Variants in FAT1 observed in about 807,000 individuals in gnomAD.
FAT1 encodes protocadherin Fat 1.
FAT1 carries 171 observed loss-of-function variants against 329.8 expected under a neutral mutation model. The ratio of observed to expected loss-of-function variants is 0.52; its 90% confidence interval spans 0.46 to 0.59. The LOEUF (loss-of-function observed/expected upper bound fraction) is 0.59. FAT1 is among the 20% of genes least tolerant of loss of function. The probability of loss-of-function intolerance (pLI) is 0.00; values close to 1 mark genes in which losing one functional copy is unlikely to be tolerated. For missense variants in FAT1, 5,672 were observed against 5,774.4 expected, an observed-to-expected ratio of 0.98 and a Z score of 0.57; for synonymous variants, 2,233 against 2,228.6, an observed-to-expected ratio of 1.00 and a Z score of -0.06.
intron 3 of FAT1, among the ~76,000 whole-genome samples, chr4:186,641,823 A>G (rs1741108937): frequency 6.6e-6 from 1 of 152,062 alleles, no homozygotes; most frequent in Non-Finnish European, 1.5e-5. Context: ...CCTGGCCAAC[A>G]TGGCGAAACC....
chr4:186,608,596 G>A (rs779523482), intron 16 of FAT1, among the ~76,000 whole-genome samples: 2 of 152,124 alleles, frequency 1.3e-5, no homozygotes, highest in Non-Finnish European at 2.9e-5. Flanking sequence ...CTTCACGAAT[G>A]CAGAATCTGC....
chr4:186,654,426 G>C (rs1021882790), intron 3 of FAT1, among the ~76,000 whole-genome samples: 2 of 152,140 alleles, frequency 1.3e-5, no homozygotes, highest in African/African-American at 4.8e-5. Context: ...GAGACAGAAA[G>C]GGGCAAAACA....
At position 186,675,398 on chromosome 4, in the gene FAT1, C is replaced by T. The variant is rs193290715; in HGVS notation, c.3266-11785G>A. On this transcript the variant is annotated intron_variant, in intron 2 of 26. Transcript: ENST00000441802. ...AGGAGAATCGCTTGAACCCAGGAGGCGGAGGTTGCAGTGAGTTGAGATTGC... is the reference window on the plus strand; with the variant it reads ...AGGAGAATCGCTTGAACCCAGGAGGTGGAGGTTGCAGTGAGTTGAGATTGC... 4.1e-3 allele frequency among the ~76,000 whole-genome samples: 617 copies of T among 151,916 alleles called. 3 individuals are homozygous for T. Among genetic ancestry groups the T allele is most frequent in the African/African-American group, 0.014 (572 of 41,420 alleles).
At chr4:186,590,280 C>A in intron 26 of FAT1, 3 of 766,942 alleles carry the variant, frequency 3.9e-6, no homozygotes, top group Non-Finnish European at 5.8e-6. Flanking sequence ...AAACACTGGG[C>A]GACCCAGCGT....
At chr4:186,606,373 T>C (rs537449987) in intron 16 of FAT1, among the ~76,000 whole-genome samples, 160 bp from the exon 17 acceptor site, 2 of 151,804 alleles carry the variant, frequency 1.3e-5, no homozygotes, top group South Asian at 4.2e-4. Flanking sequence ...TACAAACGAG[T>C]GCATGCAAGT....
intron 6 of FAT1, 41 bp downstream of exon 6, chr4:186,635,984 T>C (rs1740798462): frequency 6.4e-7 from 1 of 1,564,942 alleles, no homozygotes; most frequent in Non-Finnish European, 8.8e-7. Context: ...TTCTCCTCAG[T>C]GTAACCCATA....
At chr4:186,610,707 A>AAATTTATAT (rs1553988087) in intron 14 of FAT1, among the ~76,000 whole-genome samples, 1 of 65,244 alleles carries the variant, frequency 1.5e-5, no homozygotes, top group Non-Finnish European at 2.7e-5. Context: ...ATATAAATAT[A>AAATTTATAT]AATTTATATA....
intron 11 of FAT1, 65 bp downstream of exon 11, chr4:186,616,940 G>T: frequency 7.1e-7 from 1 of 1,401,072 alleles, no homozygotes; most frequent in Non-Finnish European, 9.9e-7. Context: ...CCAAATGATG[G>T]TCCCATTGAA....
rs2126429824 is a variant in FAT1, at chr4:186,603,552, G to C, written c.10974C>G (p.Asp3658Glu). 6.2e-7 allele frequency: 1 copy of C among 1,613,996 alleles called. No homozygotes were observed. Among genetic ancestry groups the C allele is most frequent in the Non-Finnish European group, 8.5e-7 (1 of 1,179,892 alleles). The change falls in exon 19 of 27, where the codon GAC (aspartate) becomes GAG (glutamate). Residue 3658 changes from aspartate to glutamate, a missense_variant. Transcript: ENST00000441802. ...ANLTPEEFVG[D>E]YWRNFQRALR... ...AAGCTCGCTGGAAGTTGCGCCAGTA[G>C]TCACCAACGAATTCTTCCGGAGTGA...
rs1439256953 is a variant in FAT1, at chr4:186,709,311, C to T, written c.517G>A (p.Ala173Thr). ...AIRTSIARVS[A>T]TDADIGTNGE... is the part of the protein sequence containing the mutation. ...TTGGTTCCTATGTCTGCATCCGTGG[C>T]GCTGACTCTTGCGATACTGGTCCTT... is the stretch of plus-strand genomic sequence containing the variant. Residue 173 changes from alanine to threonine, a missense_variant, in exon 2 of 27, where the codon GCC (alanine) becomes ACC (threonine). This residue lies in a region of FAT1 where 3,966 missense variants were observed against 3,915.2 expected (regional missense o/e 1.01). Transcript: ENST00000441802. 13 of 1,613,778 alleles carry T rather than the reference C, an allele frequency of 8.1e-6. No individual in the cohort carries two copies. Among genetic ancestry groups the T allele is most frequent in the East Asian group, 4.5e-5 (2 of 44,874 alleles).
At chr4:186,641,928 A>G (rs1741114571) in intron 3 of FAT1, among the ~76,000 whole-genome samples, 1 of 151,626 alleles carries the variant, frequency 6.6e-6, no homozygotes, top group Non-Finnish European at 1.5e-5. Flanking sequence ...AAAAGCTTGA[A>G]CCTGGGAAGA....
rs1739001659 is a variant in FAT1 at position 186,604,548 on chromosome 4, C to A, written c.10377G>T (p.Val3459=). The A allele has an allele frequency of 6.2e-7, 1 of 1,610,770 alleles. No individual in the cohort carries two copies. Residue 3459 remains valine (V), a synonymous_variant, in exon 18 of 27, where the codon GTG becomes GTT. Transcript: ENST00000441802. ...CCTCATCTGTTACTACCAGCTGCAGCACGCTGAAGCCCACTGGCTTATTTT... is the reference window on the plus strand; with the variant it reads ...CCTCATCTGTTACTACCAGCTGCAGAACGCTGAAGCCCACTGGCTTATTTT... ...IQENKPVGFS[V]LQLVVTDEDS...
chr4:186,691,579 TG>T (rs1296009372), intron 2 of FAT1, among the ~76,000 whole-genome samples: 1 of 152,112 alleles, frequency 6.6e-6, no homozygotes, highest in Non-Finnish European at 1.5e-5. Context: ...GGTAGTAGGA[TG>T]GATCACTTGA....
rs188914269 is a variant in FAT1 at position 186,608,790 on chromosome 4, C to T, written c.10206+393G>A. Reference sequence around the variant, plus strand: ...TTACTCCAATACAACTGGGTAAAGTCCCCTAAATATATTTCTTGGCTTCTA... The same window carrying T: ...TTACTCCAATACAACTGGGTAAAGTTCCCTAAATATATTTCTTGGCTTCTA... On this transcript the variant is annotated intron_variant, in intron 16 of 26. Transcript: ENST00000441802. 1.4e-3 allele frequency among the ~76,000 whole-genome samples: 216 copies of T among 152,290 alleles called. 1 individual carries two copies. Among genetic ancestry groups the T allele is most frequent in the African/African-American group, 5.0e-3 (207 of 41,558 alleles).
intron 9 of FAT1, 44 bp downstream of exon 9, chr4:186,628,110 T>C (rs1360588170): frequency 7.6e-6 from 12 of 1,582,780 alleles, no homozygotes; most frequent in African/African-American, 4.0e-5. Context: ...AACAGACTTT[T>C]AACAACTGCA....
chr4:186,628,463 G>A (rs369631772), intron 8 of FAT1, 25 bp downstream of exon 8: 392 of 1,613,154 alleles, frequency 2.4e-4, no homozygotes, highest in Admixed American at 4.8e-4. Flanking sequence ...CCAAATGGTG[G>A]GAGGAGAGCG....
chr4:186,679,473 T>G (rs1391419460), intron 2 of FAT1, among the ~76,000 whole-genome samples: 1 of 149,444 alleles, frequency 6.7e-6, no homozygotes, highest in Non-Finnish European at 1.5e-5. Flanking sequence ...ACACATCTGG[T>G]GTCAGAAGCA....
In FAT1 at chr4:186,621,275, T is replaced by C. The variant is rs755310203; in HGVS notation, c.5311A>G (p.Thr1771Ala). ...NAPVFMQAEY[T>A]GLISESASIN... ...GAGGCTGATTCACTAATGAGTCCTG[T>C]ATATTCTGCCTGCATAAAAACTGGC... Residue 1771 changes from threonine to alanine, a missense_variant, in exon 10 of 27, where the codon ACA becomes GCA. Transcript: ENST00000441802. The C allele has an allele frequency of 2.0e-5, 32 of 1,613,932 alleles. 1 individual carries two copies. The highest frequency in any genetic ancestry group is 2.5e-5 in the Non-Finnish European group (30 of 1,179,910).
rs190985410 is a variant in FAT1, at chr4:186,617,070, A to G, written c.9010T>C (p.Ser3004Pro). 6.2e-7 allele frequency: 1 copy of G among 1,614,008 alleles called. No homozygotes were observed. Among genetic ancestry groups the G allele is most frequent in the African/African-American group, 1.3e-5 (1 of 75,058 alleles). ...LTITATDGTF[S>P]SKAIVEVKVL... ...TTCACTTCAACTATCGCTTTTGATG[A>G]GAAGGTGCCATCAGTTGCCGTGATA... Residue 3004 changes from serine to proline, a missense_variant, in exon 11 of 27, where the codon TCA becomes CCA. Coordinates refer to ENST00000441802, the MANE Select transcript of FAT1 (RefSeq NM_005245.4).
Sources: allele counts gnomAD v4.1 joint callset (sites outside exome capture counted in the v4.1 genomes callset), GRCh38; gene constraint gnomAD v4.1.1; regional missense constraint gnomAD v4.1.1; transcripts MANE v1.5; gene names NCBI Gene and HGNC (gene_info 2026-07-23, HGNC 2026-07-21).